The following CDC42BPA variants were observed in gnomAD, a reference collection of about 807,000 sequenced individuals.
CDC42BPA encodes CDC42 binding protein kinase alpha, also known as serine/threonine-protein kinase MRCK alpha.
Under a neutral mutation model 223.5 loss-of-function variants are expected in CDC42BPA, and 80 were observed. The observed-to-expected ratio is 0.36, with a 90% CI of 0.30 to 0.43. The LOEUF (loss-of-function observed/expected upper bound fraction) is 0.43, where lower values mean the gene tolerates loss of function less well. Among genes scored for constraint, CDC42BPA ranks in the 20% least tolerant of loss-of-function variants. The pLI is 1.00. For missense variants in CDC42BPA, 1,743 were observed against 2,099.9 expected (o/e 0.83, Z 3.32); for synonymous variants, 694 against 718.6 (o/e 0.97, Z 0.55).
intron 35 of CDC42BPA, chr1:227,004,043 C>A (rs1257278027): frequency 7.7e-6 from 1 of 130,106 alleles, no homozygotes; most frequent in Non-Finnish European, 1.6e-5. Context: ...TTCAGTGAAT[C>A]AAACAGATAC....
intron 14 of CDC42BPA, among the ~76,000 whole-genome samples, chr1:227,103,803 CA>C (rs1558504584): frequency 6.6e-6 from 1 of 151,948 alleles, no homozygotes; most frequent in Non-Finnish European, 1.5e-5. Context: ...TTTAGCAAAA[CA>C]AACTCCTAAT....
At chr1:227,052,972 G>A (rs1673846419) in intron 21 of CDC42BPA, among the ~76,000 whole-genome samples, 1 of 152,110 alleles carries the variant, frequency 6.6e-6, no homozygotes, top group Admixed American at 6.5e-5. Context: ...TAAGTGAAAA[G>A]CAAAATTTCA....
rs1416932875 is a variant in CDC42BPA at position 227,145,745 on chromosome 1, G to C, written c.895-8C>G. 1 of 1,593,436 alleles carries C rather than the reference G, an allele frequency of 6.3e-7. No homozygotes were observed. Among genetic ancestry groups the C allele is most frequent in the African/African-American group, 1.3e-5 (1 of 74,164 alleles). Reference sequence around the variant, plus strand: ...TGGAAACTGAAACCTCTCCTAAACAGAGAAAAACAGAAACAAAATATAAAT... The same window carrying C: ...TGGAAACTGAAACCTCTCCTAAACACAGAAAAACAGAAACAAAATATAAAT... On this transcript the variant is annotated splice_region_variant and splice_polypyrimidine_tract_variant and intron_variant, in intron 7 of 36. Coordinates refer to ENST00000366766, the MANE Select transcript of CDC42BPA (RefSeq NM_001394014.1).
Position 227,112,657 on chromosome 1 carries a change from G to A in CDC42BPA, c.1890+14C>T. On this transcript the variant is annotated intron_variant, in intron 13 of 36. Transcript: ENST00000366766. ...CTATCCCATGGGCACTACAAAATTTGCCTGACTACTAACCTCTTTTTTGGC... is the reference window on the plus strand; with the variant it reads ...CTATCCCATGGGCACTACAAAATTTACCTGACTACTAACCTCTTTTTTGGC... 6.2e-7 allele frequency: 1 copy of A among 1,611,132 alleles called. No homozygotes were observed. Among genetic ancestry groups the A allele is most frequent in the East Asian group, 2.2e-5 (1 of 44,856 alleles).
At chr1:227,105,776 C>T (rs528870870) in intron 14 of CDC42BPA, among the ~76,000 whole-genome samples, 65 of 152,298 alleles carry the variant, frequency 4.3e-4, no homozygotes, top group Non-Finnish European at 7.6e-4. Flanking sequence ...TGTATCATGA[C>T]TTCATTCCTT....
At chr1:227,231,395 G>A (rs1202020126) in intron 2 of CDC42BPA, among the ~76,000 whole-genome samples, 1 of 151,946 alleles carries the variant, frequency 6.6e-6, no homozygotes, top group Non-Finnish European at 1.5e-5. Flanking sequence ...ATGGACATTT[G>A]GGTTGGCTCC....
intron 2 of CDC42BPA, among the ~76,000 whole-genome samples, chr1:227,227,749 C>T (rs2718217): frequency 0.31 from 47,452 of 151,658 alleles, 7,613 homozygotes; most frequent in East Asian, 0.37. Flanking sequence ...AGATAGAAGG[C>T]GGAAATCTAA....
In CDC42BPA at chr1:227,160,699, AT is replaced by A. The variant is rs541350676; in HGVS notation, c.600-64del. Reference sequence around the variant, plus strand: ...TAAACAATTCATTGTTTGGTAAGATATTCTTTTTGTCAGAAAAAAATCTCAA... The same window carrying A: ...TAAACAATTCATTGTTTGGTAAGATATCTTTTTGTCAGAAAAAAATCTCAA... On this transcript the variant is annotated intron_variant, in intron 5 of 36. Coordinates refer to ENST00000366766, the MANE Select transcript of CDC42BPA (RefSeq NM_001394014.1). 6.2e-4 allele frequency: 568 copies of A among 922,268 alleles called. 4 individuals carry two copies. The highest frequency in any genetic ancestry group is 1.0e-3 in the South Asian group (64 of 62,212). 57.1% of individuals were successfully genotyped at this position (922,268 alleles called of 1,614,324 possible).
At chr1:227,311,669 G>C (rs1693563765) in intron 1 of CDC42BPA, among the ~76,000 whole-genome samples, 2 of 151,616 alleles carry the variant, frequency 1.3e-5, no homozygotes, top group Admixed American at 6.6e-5. Context: ...AGAAATACAA[G>C]AGTGAAATTA....
intron 22 of CDC42BPA, 121 bp from the exon 23 acceptor site, chr1:227,048,131 T>C (rs972444677): frequency 1.9e-6 from 1 of 513,142 alleles, no homozygotes; most frequent in African/African-American, 2.1e-5. Context: ...GTTCTACTAA[T>C]TAATAATAAA....
chr1:227,269,894 A>G (rs9426555), intron 1 of CDC42BPA, among the ~76,000 whole-genome samples: 46,808 of 152,026 alleles, frequency 0.31, 7,385 homozygotes, highest in East Asian at 0.37. Flanking sequence ...TATCCTTTGA[A>G]GTGGAAGAAA....
At chr1:227,025,404 G>T (rs1156555853) in intron 31 of CDC42BPA, among the ~76,000 whole-genome samples, 1 of 152,060 alleles carries the variant, frequency 6.6e-6, no homozygotes, top group African/African-American at 2.4e-5. Flanking sequence ...TTTGAAATAT[G>T]ATCTAAGCTA....
intron 5 of CDC42BPA, among the ~76,000 whole-genome samples, chr1:227,190,750 G>A (rs1056027221): frequency 5.9e-5 from 9 of 152,284 alleles, no homozygotes; most frequent in Non-Finnish European, 1.2e-4. Context: ...AGCATTTGCT[G>A]AAAATAGTCT....
At chr1:227,312,528 A>T (rs879279742) in intron 1 of CDC42BPA, among the ~76,000 whole-genome samples, 1 of 152,190 alleles carries the variant, frequency 6.6e-6, no homozygotes. Context: ...TAATCCTGAC[A>T]TCCTGTTTTC....
chr1:227,269,128 C>A (rs1289901515), intron 1 of CDC42BPA, among the ~76,000 whole-genome samples: 1 of 152,206 alleles, frequency 6.6e-6, no homozygotes, highest in Non-Finnish European at 1.5e-5. Context: ...TTCAACTCAG[C>A]CCTTGCATAA....
intron 5 of CDC42BPA, 94 bp from the exon 6 acceptor site, chr1:227,160,730 T>A (rs1196370749): frequency 2.5e-5 from 17 of 680,076 alleles, no homozygotes; most frequent in Non-Finnish European, 4.3e-5. Context: ...TCTCAACTTA[T>A]TTTAAAAGTA....
intron 21 of CDC42BPA, among the ~76,000 whole-genome samples, chr1:227,061,433 T>C (rs144687867): frequency 1.1e-3 from 161 of 152,358 alleles, no homozygotes; most frequent in African/African-American, 3.8e-3. Context: ...TTTAAAGATG[T>C]AGAAGATGGA....
chr1:227,171,947 C>G (rs1666182780), intron 5 of CDC42BPA, among the ~76,000 whole-genome samples: 1 of 152,108 alleles, frequency 6.6e-6, no homozygotes, highest in Admixed American at 6.5e-5. Flanking sequence ...ACATTAATAT[C>G]TCCCATTCGG....
intron 2 of CDC42BPA, among the ~76,000 whole-genome samples, chr1:227,217,811 C>T (rs1054359558): frequency 6.6e-6 from 1 of 152,140 alleles, no homozygotes; most frequent in Non-Finnish European, 1.5e-5. Flanking sequence ...AATATTCTAG[C>T]CCCACGAAGC....
Sources: allele counts gnomAD v4.1 joint callset (sites outside exome capture counted in the v4.1 genomes callset), GRCh38; gene constraint gnomAD v4.1.1; transcripts MANE v1.5; gene names NCBI Gene and HGNC (gene_info 2026-07-23, HGNC 2026-07-21).